FAM81A: variants seen among roughly 807,000 people sequenced by gnomAD.
The protein encoded by FAM81A is family with sequence similarity 81 member A.
Under a neutral mutation model 46.7 loss-of-function variants are expected in FAM81A, and 19 were observed. The ratio of observed to expected loss-of-function variants is 0.41; its 90% CI spans 0.28 to 0.60. The LOEUF (loss-of-function observed/expected upper bound fraction) is 0.60. Ranked by LOEUF, FAM81A falls within the 20% of genes least tolerant of loss-of-function variation. FAM81A has a pLI of 0.34. For missense variants in FAM81A, 377 were observed against 453.5 expected (o/e 0.83, Z 1.53); for synonymous variants, 183 against 152.9 (o/e 1.20, Z -1.45).
chr15:59,410,900 G>A (rs1045379853), intron 2 of FAM81A, among the ~76,000 whole-genome samples: 4 of 151,980 alleles, frequency 2.6e-5, no homozygotes, highest in South Asian at 2.1e-4. Context: ...ACAGGCATGC[G>A]TCACCACACC....
intron 1 of FAM81A, among the ~76,000 whole-genome samples, chr15:59,449,650 C>T (rs374093077): frequency 1.4e-3 from 213 of 151,918 alleles, no homozygotes; most frequent in Middle Eastern, 0.014. Context: ...GGCGTGGTGG[C>T]GGGCGCCTGT....
chr15:59,477,183 A>T (rs1309968474), intron 3 of FAM81A, among the ~76,000 whole-genome samples: 1 of 152,020 alleles, frequency 6.6e-6, no homozygotes, highest in African/African-American at 2.4e-5. Context: ...TCATACTTGT[A>T]GTATCAGTTT....
chr15:59,407,034 G>A (rs140718839), intron 2 of FAM81A: 488 of 166,006 alleles, frequency 2.9e-3, no homozygotes, highest in African/African-American at 0.011. Context: ...AGACTTGGGA[G>A]CCAGGACATT....
intron 2 of FAM81A, chr15:59,407,790 C>T: frequency 4.3e-6 from 1 of 233,234 alleles, no homozygotes; most frequent in Non-Finnish European, 8.2e-6. Context: ...TGGCAGCTTT[C>T]TTCTCAGTCC....
intron 3 of FAM81A, among the ~76,000 whole-genome samples, chr15:59,474,830 CAA>C (rs1262905047): frequency 3.6e-4 from 55 of 151,852 alleles, no homozygotes; most frequent in African/African-American, 1.3e-3. Flanking sequence ...ACCCATGTGG[CAA>C]AACTCCAAAA....
intron 2 of FAM81A, among the ~76,000 whole-genome samples, chr15:59,423,077 G>GTAT (rs2081180997): frequency 6.6e-6 from 1 of 151,970 alleles, no homozygotes; most frequent in South Asian, 2.1e-4. Context: ...AATGAAATAG[G>GTAT]TATTATTATT....
At chr15:59,454,663 T>C (rs548813597) in intron 1 of FAM81A, among the ~76,000 whole-genome samples, 7 of 152,260 alleles carry the variant, frequency 4.6e-5, no homozygotes, top group Admixed American at 1.3e-4. Context: ...TCTTACTCTG[T>C]CACCCAGGCT....
At chr15:59,415,922 A>T (rs1456606497) in intron 2 of FAM81A, among the ~76,000 whole-genome samples, 1 of 152,240 alleles carries the variant, frequency 6.6e-6, no homozygotes, top group African/African-American at 2.4e-5. Flanking sequence ...TCAGTAGTTT[A>T]CAGAATCTCT....
chr15:59,462,686 C>T (rs2081567255), intron 3 of FAM81A, among the ~76,000 whole-genome samples: 1 of 152,160 alleles, frequency 6.6e-6, no homozygotes, highest in African/African-American at 2.4e-5. Flanking sequence ...CCCCTCAGCC[C>T]CTGGTGACCT....
chr15:59,503,774 T>C (rs1340833748), intron 4 of FAM81A, among the ~76,000 whole-genome samples: 1 of 152,178 alleles, frequency 6.6e-6, no homozygotes, highest in Non-Finnish European at 1.5e-5. Flanking sequence ...GGTTTTCCCA[T>C]GTTGGCCGGG....
intron 3 of FAM81A, among the ~76,000 whole-genome samples, chr15:59,477,970 A>T (rs1315495430): frequency 1.3e-5 from 2 of 152,218 alleles, no homozygotes; most frequent in African/African-American, 4.8e-5. Flanking sequence ...AGAGGAAGTA[A>T]TATAGTCAAC....
chr15:59,436,613 A>T (rs1246784743), upstream of FAM81A, among the ~76,000 whole-genome samples: 3 of 152,170 alleles, frequency 2.0e-5, no homozygotes, highest in African/African-American at 4.8e-5. Context: ...TAACACATGC[A>T]CACCTTTCCA....
At chr15:59,457,363 G>A (rs62013099) in intron 1 of FAM81A, among the ~76,000 whole-genome samples, 3,903 of 152,308 alleles carry the variant, frequency 0.026, 68 homozygotes, top group Middle Eastern at 0.061. Flanking sequence ...CAGATTGACT[G>A]TTGGGGTATT....
At chr15:59,431,886 C>G (rs1234932041) in intron 2 of FAM81A, among the ~76,000 whole-genome samples, 1 of 152,180 alleles carries the variant, frequency 6.6e-6, no homozygotes, top group Non-Finnish European at 1.5e-5. Flanking sequence ...GCTCCAGTGC[C>G]TGGTAGAGAA....
intron 7 of FAM81A, among the ~76,000 whole-genome samples, chr15:59,515,187 G>T (rs1272258469): frequency 6.6e-6 from 1 of 152,140 alleles, no homozygotes; most frequent in African/African-American, 2.4e-5. Context: ...CAAAACTGCA[G>T]TGAGGTATGA....
rs116942219 is a variant in FAM81A, at chr15:59,507,826, G to A, written c.543+484G>A. On this transcript the variant is annotated intron_variant, in intron 5 of 8. Coordinates refer to ENST00000288228, the MANE Select transcript of FAM81A (RefSeq NM_152450.3). Reference sequence around the variant, plus strand: ...AATATGAGAGTATTTGACCTCAAACGTCACAGATTAATTTCACAAAGCAAA... The same window carrying A: ...AATATGAGAGTATTTGACCTCAAACATCACAGATTAATTTCACAAAGCAAA... Among the ~76,000 whole-genome samples, 1,156 of 152,288 alleles carry A rather than the reference G, an allele frequency of 7.6e-3. 9 individuals carry two copies. The highest frequency in any genetic ancestry group is 0.011 in the Non-Finnish European group (747 of 68,020).
At chr15:59,451,721 G>A (rs1265564092) in intron 1 of FAM81A, among the ~76,000 whole-genome samples, 1 of 152,164 alleles carries the variant, frequency 6.6e-6, no homozygotes. Flanking sequence ...CCAAAGTGCT[G>A]GGATTATAGG....
At chr15:59,433,479 C>G (rs2081230013), upstream of FAM81A, among the ~76,000 whole-genome samples, 1 of 152,118 alleles carries the variant, frequency 6.6e-6, no homozygotes, top group Non-Finnish European at 1.5e-5. Context: ...TTAGGCATAA[C>G]TACTTCAAAA....
chr15:59,495,831 A>G (rs774274001), intron 4 of FAM81A, among the ~76,000 whole-genome samples: 4 of 152,194 alleles, frequency 2.6e-5, no homozygotes, highest in Non-Finnish European at 5.9e-5. Flanking sequence ...GAAAATATTT[A>G]TTCAGATTCC....
Sources: gnomAD v4.1 joint callset for allele counts (sites outside exome capture counted in the v4.1 genomes callset) on GRCh38, gnomAD v4.1.1 for gene constraint, MANE v1.5 for transcripts, NCBI Gene and HGNC (gene_info 2026-07-23, HGNC 2026-07-21) for gene names.